The following FHOD3 variants were observed in gnomAD, a reference collection of about 807,000 sequenced individuals.
FHOD3 encodes the protein formin homology 2 domain containing 3.
FHOD3 carries 90 observed loss-of-function variants against 173.0 expected under a neutral mutation model. That is an observed-to-expected ratio of 0.52 (90% confidence interval 0.44 to 0.62). FHOD3 has a LOEUF of 0.62. FHOD3 is among the 20% of genes least tolerant of loss of function. FHOD3 has a pLI of 0.00. For missense variants in FHOD3, 1,945 were observed against 2,034.7 expected, an observed-to-expected ratio of 0.96 and a Z score of 0.85; for synonymous variants, 828 against 823.0, an observed-to-expected ratio of 1.01 and a Z score of -0.10.
At chr18:36,673,804 G>A (rs16968149) in intron 14 of FHOD3, among the ~76,000 whole-genome samples, 19,341 of 151,968 alleles carry the variant, frequency 0.13, 1,454 homozygotes, top group Non-Finnish European at 0.17. Flanking sequence ...ATTGCTTCAC[G>A]GACAGAAATC....
chr18:36,334,641 C>G (rs891946775), intron 1 of FHOD3, among the ~76,000 whole-genome samples: 1 of 152,132 alleles, frequency 6.6e-6, no homozygotes, highest in Non-Finnish European at 1.5e-5. Context: ...ATCAGAATGT[C>G]TCAGTCTGGA....
intron 5 of FHOD3, among the ~76,000 whole-genome samples, chr18:36,527,426 C>G (rs1318171203): frequency 3.3e-5 from 5 of 152,230 alleles, no homozygotes. Flanking sequence ...TGTCATCTAG[C>G]TGAATGGGCT....
chr18:36,417,466 T>C (rs897116654), intron 3 of FHOD3, among the ~76,000 whole-genome samples: 1 of 152,212 alleles, frequency 6.6e-6, no homozygotes, highest in Non-Finnish European at 1.5e-5. Context: ...ATCCAGTCTA[T>C]CATTCATGGG....
intron 3 of FHOD3, among the ~76,000 whole-genome samples, chr18:36,489,182 G>T (rs1292625165): frequency 1.3e-5 from 2 of 152,220 alleles, no homozygotes; most frequent in African/African-American, 2.4e-5. Flanking sequence ...GGAAGGGATG[G>T]TTTCCTGTGG....
chr18:36,486,679 A>G (rs2054209226), intron 3 of FHOD3, among the ~76,000 whole-genome samples: 1 of 152,220 alleles, frequency 6.6e-6, no homozygotes, highest in South Asian at 2.1e-4. Context: ...TTCTTTATCA[A>G]CCTTATTGAC....
intron 14 of FHOD3, among the ~76,000 whole-genome samples, chr18:36,681,193 G>C (rs1433738529): frequency 6.6e-6 from 1 of 152,156 alleles, no homozygotes; most frequent in African/African-American, 2.4e-5. Context: ...TGTCAAGCAT[G>C]TTGCTTGCTA....
intron 15 of FHOD3, 27 bp downstream of exon 15, chr18:36,681,597 A>T: frequency 1.3e-6 from 2 of 1,560,740 alleles, no homozygotes; most frequent in Non-Finnish European, 1.7e-6. Context: ...GATTTTTTTT[A>T]AATAGTGAGT....
chr18:36,379,080 A>G (rs1264968630), intron 3 of FHOD3, among the ~76,000 whole-genome samples: 1 of 152,150 alleles, frequency 6.6e-6, no homozygotes, highest in Non-Finnish European at 1.5e-5. Flanking sequence ...TTGATTTCTC[A>G]CCATAATGGA....
chr18:36,758,653 C>T (rs1474476869), intron 25 of FHOD3, among the ~76,000 whole-genome samples: 2 of 152,126 alleles, frequency 1.3e-5, no homozygotes, highest in Admixed American at 6.5e-5. Context: ...ATGGGAGGGC[C>T]GGCAGCTGAC....
At chr18:36,414,019 A>G (rs1599021964) in intron 3 of FHOD3, among the ~76,000 whole-genome samples, 1 of 152,352 alleles carries the variant, frequency 6.6e-6, no homozygotes, top group Non-Finnish European at 1.5e-5. Context: ...AGTTGGGCTT[A>G]TAGAAGCAAG....
At chr18:36,318,666 C>T (rs924240097) in intron 1 of FHOD3, among the ~76,000 whole-genome samples, 4 of 152,086 alleles carry the variant, frequency 2.6e-5, no homozygotes, top group African/African-American at 9.7e-5. Flanking sequence ...ATCATGTCAT[C>T]TGCAGAGACA....
chr18:36,737,964 A>G (rs538148723), intron 20 of FHOD3, among the ~76,000 whole-genome samples: 3 of 152,336 alleles, frequency 2.0e-5, no homozygotes, highest in South Asian at 4.1e-4. Flanking sequence ...CCATCTTCCA[A>G]CAAAACTCTT....
intron 7 of FHOD3, among the ~76,000 whole-genome samples, chr18:36,601,317 C>T (rs2031349746): frequency 1.3e-5 from 2 of 152,326 alleles, no homozygotes; most frequent in South Asian, 4.1e-4. Context: ...ACATTTGTGC[C>T]TTTTACGTCT....
chr18:36,499,997 C>T (rs1172353098), intron 3 of FHOD3, among the ~76,000 whole-genome samples: 2 of 152,196 alleles, frequency 1.3e-5, no homozygotes, highest in African/African-American at 4.8e-5. Context: ...GCCCCTGCCA[C>T]TTAGCAGCAA....
In FHOD3 at chr18:36,376,963, G is replaced by C. The variant is rs897136912; in HGVS notation, c.337+4219G>C. ...GTGTTGAGCAAGGTCCTGAGGCTGT[G>C]TGCAGTCTTAATGGGAAAGGATCCT... On this transcript the variant is annotated intron_variant, in intron 3 of 28. Coordinates refer to ENST00000590592, the MANE Select transcript of FHOD3 (RefSeq NM_001281740.3). Among the ~76,000 whole-genome samples, 4 of 152,358 alleles carry C rather than the reference G, an allele frequency of 2.6e-5. No homozygotes were observed. In the South Asian group the frequency reaches 8.3e-4, roughly 32 times the overall value.
chr18:36,740,620 T>C (rs1325487289), intron 20 of FHOD3, 36 bp from the exon 21 acceptor site: 1 of 1,560,972 alleles, frequency 6.4e-7, no homozygotes. Context: ...GGTCCATCAC[T>C]AAGAGAAAAT....
At chr18:36,638,290 G>A (rs1385370474) in intron 10 of FHOD3, among the ~76,000 whole-genome samples, 1 of 152,222 alleles carries the variant, frequency 6.6e-6, no homozygotes, top group Non-Finnish European at 1.5e-5. Flanking sequence ...GGCAAAGGGA[G>A]AAAGGGGCTT....
At chr18:36,335,074 A>G (rs958196859) in intron 1 of FHOD3, among the ~76,000 whole-genome samples, 2 of 152,234 alleles carry the variant, frequency 1.3e-5, no homozygotes, top group Non-Finnish European at 2.9e-5. Context: ...TCATGGATGC[A>G]CATGGCAGTC....
chr18:36,437,277 T>C (rs2050857721), intron 3 of FHOD3, among the ~76,000 whole-genome samples: 1 of 152,094 alleles, frequency 6.6e-6, no homozygotes, highest in Non-Finnish European at 1.5e-5. Flanking sequence ...GCCACCACAC[T>C]TGGCTAACTT....
Sources: allele counts gnomAD v4.1 joint callset (sites outside exome capture counted in the v4.1 genomes callset), GRCh38; gene constraint gnomAD v4.1.1; transcripts MANE v1.5; gene names NCBI Gene and HGNC (gene_info 2026-07-23, HGNC 2026-07-21).